Variants in ZNF592 observed in about 807,000 individuals in gnomAD.
The protein encoded by ZNF592 is spinocerebellar ataxia, autosomal recessive 5.
In ZNF592, 11 loss-of-function variants were observed where a neutral mutation model predicts 80.3. The observed-to-expected ratio is 0.14, with a 90% confidence interval of 0.09 to 0.23. The LOEUF (loss-of-function observed/expected upper bound fraction) is 0.23, where lower values mean the gene tolerates loss of function less well. Among genes scored for constraint, ZNF592 ranks in the 10% least tolerant of loss-of-function variants. The probability of loss-of-function intolerance (pLI) is 1.00; values close to 1 mark genes in which losing one functional copy is unlikely to be tolerated. For missense variants in ZNF592, 1,420 were observed against 1,633.9 expected (o/e 0.87, Z 2.26); for synonymous variants, 646 against 640.3 (o/e 1.01, Z -0.13).
chr15:84,759,715 A>G (rs1212707808), intron 1 of ZNF592, among the ~76,000 whole-genome samples: 1 of 152,248 alleles, frequency 6.6e-6, no homozygotes. Flanking sequence ...CTTGGGGGCA[A>G]GAGTGTCTGA....
At position 84,798,058 on chromosome 15, in the gene ZNF592, C is replaced by G; in HGVS notation, c.2576+13C>G. The G allele has an allele frequency of 2.5e-6, 4 of 1,613,326 alleles. No homozygotes were observed. Among genetic ancestry groups the G allele is most frequent in the Non-Finnish European group, 3.4e-6 (4 of 1,179,898 alleles). On this transcript the variant is annotated intron_variant, in intron 6 of 10. Coordinates refer to ENST00000560079, the MANE Select transcript of ZNF592 (RefSeq NM_014630.3). This position sits in a 1 kb window ranked among gnomAD's most constrained non-coding sequence, Gnocchi z 4.5. ...ACAGACCCTCCCAGTGAGTGCAGCT[C>G]CAGGGCCAGCAGGCCCTGTGGAGCA...
chr15:84,750,413 T>G (rs1898981229), intron 1 of ZNF592, among the ~76,000 whole-genome samples: 1 of 152,222 alleles, frequency 6.6e-6, no homozygotes, highest in Non-Finnish European at 1.5e-5. Context: ...ATGATTGCCC[T>G]TGTGGTGCTT....
In ZNF592 at chr15:84,802,077, C is replaced by T. The variant is rs1963110818; in HGVS notation, c.3488C>T (p.Thr1163Ile). 1.2e-6 allele frequency: 2 copies of T among 1,613,416 alleles called. No individual in the cohort carries two copies. Among genetic ancestry groups the T allele is most frequent in the South Asian group, 1.1e-5 (1 of 91,046 alleles). The change falls in exon 11 of 11, where the codon ACC (threonine) becomes ATC (isoleucine). Residue 1163 changes from threonine (T) to isoleucine (I), a missense_variant. This residue lies in a region of ZNF592 where 145 missense variants were observed against 211.9 expected (regional missense o/e 0.68). Coordinates refer to ENST00000560079, the MANE Select transcript of ZNF592 (RefSeq NM_014630.3). ...TGTCTCCTCTGTGGTTTGTGCTACA[C>T]CTCTGCCAGCTCCCTCAGCCGCCAC... ...AQCLLCGLCY[T>I]SASSLSRHLF...
chr15:84,765,073 CCTCT>C (rs1200394815), intron 2 of ZNF592, among the ~76,000 whole-genome samples: 1 of 151,938 alleles, frequency 6.6e-6, no homozygotes, highest in African/African-American at 2.4e-5. Flanking sequence ...ACAGTAACTC[CCTCT>C]CTCTCTCCTG....
chr15:84,786,132 C>T (rs143286491), intron 4 of ZNF592, among the ~76,000 whole-genome samples: 186 of 152,234 alleles, frequency 1.2e-3, no homozygotes, highest in Non-Finnish European at 2.2e-3. Flanking sequence ...CCCTGAGTGC[C>T]CACTGTGCAT....
chr15:84,755,838 G>T (rs1341105421), intron 1 of ZNF592, among the ~76,000 whole-genome samples: 1 of 152,194 alleles, frequency 6.6e-6, no homozygotes, highest in East Asian at 1.9e-4. Flanking sequence ...AGATGCTTTT[G>T]TTAGATATGC....
intron 1 of ZNF592, among the ~76,000 whole-genome samples, chr15:84,749,582 A>G (rs1373766620): frequency 6.6e-6 from 1 of 152,242 alleles, no homozygotes; most frequent in Non-Finnish European, 1.5e-5. Flanking sequence ...TAGGACTGGC[A>G]GTAGAAGAAT....
chr15:84,801,485 G>A (rs1393571782), intron 10 of ZNF592, among the ~76,000 whole-genome samples: 5 of 152,220 alleles, frequency 3.3e-5, no homozygotes, highest in African/African-American at 1.2e-4. Context: ...GGGCAACAGA[G>A]TAAGACCCTG....
chr15:84,766,803 A>G (rs911232306), intron 2 of ZNF592, among the ~76,000 whole-genome samples: 5 of 151,412 alleles, frequency 3.3e-5, no homozygotes, highest in African/African-American at 1.2e-4. Flanking sequence ...TTGACTCACC[A>G]GCTCGTAAAC....
intron 4 of ZNF592, among the ~76,000 whole-genome samples, chr15:84,786,047 T>G (rs1168696054): frequency 6.6e-6 from 1 of 152,124 alleles, no homozygotes; most frequent in Non-Finnish European, 1.5e-5. Flanking sequence ...GGGAGGAAAG[T>G]AAAACAGCTC....
chr15:84,759,407 A>T (rs1365250305), intron 1 of ZNF592, among the ~76,000 whole-genome samples: 1 of 152,118 alleles, frequency 6.6e-6, no homozygotes, highest in Non-Finnish European at 1.5e-5. Context: ...GGTGGCCATG[A>T]AGTATTCTGA....
chr15:84,769,793 C>T (rs1034161468), intron 2 of ZNF592, among the ~76,000 whole-genome samples: 5 of 152,162 alleles, frequency 3.3e-5, no homozygotes, highest in Non-Finnish European at 7.3e-5. Flanking sequence ...GAGATGGGGT[C>T]TCACTGTGTT....
chr15:84,802,425 T>C lies in ZNF592; in HGVS notation c.*32T>C. 1 of 1,611,732 alleles carries C rather than the reference T, an allele frequency of 6.2e-7. No homozygotes were observed. The stretch of plus-strand genomic sequence containing the variant: ...ACTTTGCAGTGTGCATGGTCAGGGG[T>C]GGTGCCGAAGTGTCTTCCACCTGCC... On this transcript the variant is annotated 3_prime_UTR_variant, in exon 11 of 11. Transcript: ENST00000560079.
chr15:84,782,150 C>T (rs1364518405), intron 3 of ZNF592, among the ~76,000 whole-genome samples: 1 of 152,146 alleles, frequency 6.6e-6, no homozygotes, highest in Non-Finnish European at 1.5e-5. Context: ...AATAGCAAAT[C>T]ATTTTGGATT....
At chr15:84,792,276 A>G (rs1962771026) in intron 5 of ZNF592, among the ~76,000 whole-genome samples, 2 of 151,782 alleles carry the variant, frequency 1.3e-5, no homozygotes, top group South Asian at 4.1e-4. Flanking sequence ...GCCATGCAAG[A>G]CCTTATATTT....
chr15:84,755,086 T>C (rs1426924210), intron 1 of ZNF592, among the ~76,000 whole-genome samples: 1 of 148,002 alleles, frequency 6.8e-6, no homozygotes, highest in Middle Eastern at 3.3e-3. Context: ...GCCTCCGGAG[T>C]AGCTGGGACT....
intron 1 of ZNF592, among the ~76,000 whole-genome samples, chr15:84,759,818 C>G (rs1305401482): frequency 6.6e-6 from 1 of 152,086 alleles, no homozygotes; most frequent in African/African-American, 2.4e-5. Context: ...GTTGTACCAC[C>G]TCATTGCTGA....
At chr15:84,753,139 T>A (rs1467037921) in intron 1 of ZNF592, 1 of 152,258 alleles carries the variant, frequency 6.6e-6, no homozygotes, top group Non-Finnish European at 1.5e-5. Flanking sequence ...TTATGTGGGA[T>A]CCTGTATTTG....
At chr15:84,767,320 C>CGTA (rs1267894918) in intron 2 of ZNF592, among the ~76,000 whole-genome samples, 1 of 152,120 alleles carries the variant, frequency 6.6e-6, no homozygotes, top group Non-Finnish European at 1.5e-5. Flanking sequence ...GCCACCGTAC[C>CGTA]CGGCCAACAC....
Sources: allele counts gnomAD v4.1 joint callset (sites outside exome capture counted in the v4.1 genomes callset), GRCh38; gene constraint gnomAD v4.1.1; regional missense constraint gnomAD v4.1.1; non-coding constraint Gnocchi (gnomAD v3.1); transcripts MANE v1.5; gene names NCBI Gene and HGNC (gene_info 2026-07-23, HGNC 2026-07-21).